Variants in MECR observed in about 807,000 individuals in gnomAD.
MECR encodes the protein mitochondrial trans-2-enoyl-CoA reductase, also known as enoyl-[acyl-carrier-protein] reductase, mitochondrial.
A neutral mutation model predicts 49.1 loss-of-function variants in MECR; 37 were observed. The ratio of observed to expected loss-of-function variants is 0.75; its 90% CI spans 0.58 to 0.99. MECR has a LOEUF of 0.99. Ranked by LOEUF, MECR falls within the 50% of genes least tolerant of loss-of-function variation. The pLI is 0.00. For synonymous variants in MECR, 198 were observed against 191.1 expected, an observed-to-expected ratio of 1.04 and a Z score of -0.30; for missense variants, 470 against 479.6, an observed-to-expected ratio of 0.98 and a Z score of 0.19.
At chr1:29,196,935 G>GTTGA (rs1674152841) in intron 7 of MECR, among the ~76,000 whole-genome samples, 1 of 152,098 alleles carries the variant, frequency 6.6e-6, no homozygotes, top group Non-Finnish European at 1.5e-5. Flanking sequence ...AGCCTGGGAG[G>GTTGA]TTGAGGCTGC....
chr1:29,181,509 C>A, the MECR span: 2 of 698,816 alleles, frequency 2.9e-6, no homozygotes, highest in Non-Finnish European at 4.4e-6. Flanking sequence ...GCCCCCGAGG[C>A]GCCGCCACTA....
chr1:29,175,892 G>A, the MECR span, among the ~76,000 whole-genome samples: 2 of 151,768 alleles, frequency 1.3e-5, no homozygotes, highest in African/African-American at 4.8e-5. Flanking sequence ...TCTTAACATA[G>A]ACTCTAATGC....
At chr1:29,203,048 T>TA in intron 5 of MECR, 83 bp downstream of exon 5, 1 of 1,162,526 alleles carries the variant, frequency 8.6e-7, no homozygotes, top group Non-Finnish European at 1.2e-6. Context: ...GGGCGCCCTC[T>TA]GGTGGACAAC....
the MECR span, chr1:29,181,631 T>C: frequency 6.3e-7 from 1 of 1,575,920 alleles, no homozygotes; most frequent in Admixed American, 1.8e-5. Flanking sequence ...CCGGACCCTC[T>C]TTCGCCCTCC....
chr1:29,179,338 A>G, the MECR span, among the ~76,000 whole-genome samples: 1 of 152,114 alleles, frequency 6.6e-6, no homozygotes, highest in African/African-American at 2.4e-5. Flanking sequence ...TTCCCTATTC[A>G]TCAAAAAGCA....
chr1:29,188,316 A>T (rs1383803023), downstream of MECR, among the ~76,000 whole-genome samples: 1 of 151,534 alleles, frequency 6.6e-6, no homozygotes, highest in African/African-American at 2.4e-5. Flanking sequence ...CAGCATCCCA[A>T]CGAGCTGGGA....
In MECR at chr1:29,201,883, T is replaced by A; in HGVS notation, c.756+60A>T. On this transcript the variant is annotated intron_variant, in intron 6 of 9. Transcript: ENST00000263702. The surrounding 1 kb of genome is among the most constrained non-coding windows in gnomAD (Gnocchi z 4.3). ...CAGTCCCCAGTTTCTCTAATGCATG[T>A]CAACTTTCTTCAGGGAGATGTGCGT... The A allele has an allele frequency of 7.2e-7, 1 of 1,380,940 alleles. No individual in the cohort carries two copies. The highest frequency in any genetic ancestry group is 1.2e-5 in the South Asian group (1 of 85,944). 85.5% of individuals were successfully genotyped at this position (1,380,940 alleles called of 1,614,324 possible).
chr1:29,193,959 G>A lies in MECR; in HGVS notation c.*63C>T. 1 of 1,594,386 alleles carries A rather than the reference G, an allele frequency of 6.3e-7. No individual in the cohort carries two copies. ...GGGAAGGTGGGAGCCCCAACTGAGGGGCCTGCACCCAGCCCCTCAGATCCG... is the reference window on the plus strand; with the variant it reads ...GGGAAGGTGGGAGCCCCAACTGAGGAGCCTGCACCCAGCCCCTCAGATCCG... On this transcript the variant is annotated 3_prime_UTR_variant, in exon 10 of 10. Transcript: ENST00000263702.
chr1:29,186,536 C>A, the MECR span, among the ~76,000 whole-genome samples: 1 of 152,210 alleles, frequency 6.6e-6, no homozygotes, highest in South Asian at 2.1e-4. Context: ...CTATCCCTAG[C>A]CCCTAACAAC....
chr1:29,182,516 C>A, the MECR span, among the ~76,000 whole-genome samples: 4 of 151,916 alleles, frequency 2.6e-5, no homozygotes, highest in Non-Finnish European at 4.4e-5. Flanking sequence ...CTAGGCATGA[C>A]GCCGAGTAAA....
At chr1:29,196,456 G>A (rs1674021963) in intron 7 of MECR, among the ~76,000 whole-genome samples, 198 bp from the exon 8 acceptor site, 1 of 152,226 alleles carries the variant, frequency 6.6e-6, no homozygotes, top group African/African-American at 2.4e-5. Flanking sequence ...GGAGGCTGAG[G>A]CAGGTGGATC....
Position 29,192,689 on chromosome 1 carries a change from G to A in MECR, c.*1333C>T, listed in dbSNP as rs760575392. Among the ~76,000 whole-genome samples, 10 of 152,150 alleles carry A rather than the reference G, an allele frequency of 6.6e-5. No individual in the cohort carries two copies. Among genetic ancestry groups the A allele is most frequent in the African/African-American group, 1.7e-4 (7 of 41,446 alleles). On this transcript the variant is annotated 3_prime_UTR_variant, in exon 10 of 10. Coordinates refer to ENST00000263702, the MANE Select transcript of MECR (RefSeq NM_016011.5). ...GTTCTTTGCTTTGAGCAAATGAATC[G>A]TGAAGCAAATACCAAAAAGTCACGT...
At chr1:29,206,612 TA>T in intron 4 of MECR, 149 bp downstream of exon 4, 2 of 882,148 alleles carry the variant, frequency 2.3e-6, no homozygotes, top group Non-Finnish European at 1.7e-6. Context: ...AACATCTTTC[TA>T]AGTGAAAGCA....
chr1:29,191,415 T>C (rs978039120), downstream of MECR, among the ~76,000 whole-genome samples: 2 of 152,172 alleles, frequency 1.3e-5, no homozygotes, highest in African/African-American at 2.4e-5. Context: ...GTGACTGTCC[T>C]GCCTCAGCCT....
chr1:29,190,398 G>A (rs1673096989), downstream of MECR, among the ~76,000 whole-genome samples: 1 of 151,956 alleles, frequency 6.6e-6, no homozygotes, highest in Admixed American at 6.6e-5. Context: ...GTCAAAGATG[G>A]CTGGGTAAAC....
At chr1:29,223,177 C>T (rs896471876) in intron 1 of MECR, 2 of 985,294 alleles carry the variant, frequency 2.0e-6, no homozygotes, top group African/African-American at 3.5e-5. Context: ...CGCCATGCAA[C>T]TCGAGGGGAT....
At chr1:29,211,088 GTTT>G (rs112758931) in intron 3 of MECR, among the ~76,000 whole-genome samples, 1 of 144,122 alleles carries the variant, frequency 6.9e-6, no homozygotes, top group Admixed American at 6.9e-5. Context: ...TAAATAAAGG[GTTT>G]TTTTTTTTTT....
chr1:29,167,764 C>T, the MECR span, among the ~76,000 whole-genome samples: 1 of 152,196 alleles, frequency 6.6e-6, no homozygotes, highest in African/African-American at 2.4e-5. Context: ...CTAAGAAAAA[C>T]GAAGGCTAAT....
At chr1:29,168,037 AC>A in the MECR span, among the ~76,000 whole-genome samples, 1 of 150,576 alleles carries the variant, frequency 6.6e-6, no homozygotes, top group Non-Finnish European at 1.5e-5. Flanking sequence ...TTTAAAAAAA[AC>A]ATAGTCTCGC....
Sources: allele counts gnomAD v4.1 joint callset (sites outside exome capture counted in the v4.1 genomes callset), GRCh38; gene constraint gnomAD v4.1.1; non-coding constraint Gnocchi (gnomAD v3.1); transcripts MANE v1.5; gene names NCBI Gene and HGNC (gene_info 2026-07-23, HGNC 2026-07-21).